The following RERE variants were observed in gnomAD, a reference collection of about 807,000 sequenced individuals.
RERE encodes arginine-glutamic acid dipeptide repeats protein.
In RERE, 40 loss-of-function variants were observed where a neutral mutation model predicts 146.1. That is an observed-to-expected ratio of 0.27 (90% CI 0.21 to 0.36). The LOEUF is 0.36. Among genes scored for constraint, RERE ranks in the 10% least tolerant of loss-of-function variants. The pLI is 1.00. For missense variants in RERE, 1,933 were observed against 2,138.7 expected (o/e 0.90, Z 1.90); for synonymous variants, 1,003 against 866.0 (o/e 1.16, Z -2.78).
At chr1:8,495,261 T>G in intron 9 of RERE, 99 bp from the exon 10 acceptor site, 1 of 852,292 alleles carries the variant, frequency 1.2e-6, no homozygotes, top group South Asian at 1.4e-5. Flanking sequence ...CCAGAACAAA[T>G]TCCATTACTA....
chr1:8,788,197 T>C (rs752067010), intron 1 of RERE, among the ~76,000 whole-genome samples: 1 of 152,110 alleles, frequency 6.6e-6, no homozygotes, highest in Non-Finnish European at 1.5e-5. Context: ...ATAAGCCAAG[T>C]GCCCAATAAT....
intron 11 of RERE, among the ~76,000 whole-genome samples, chr1:8,459,952 G>GTGGA (rs1359095844): frequency 2.0e-5 from 3 of 152,058 alleles, no homozygotes; most frequent in Non-Finnish European, 4.4e-5. Flanking sequence ...CCCCTATATT[G>GTGGA]TGGATGTAAA....
At chr1:8,655,012 C>T (rs1056648628) in intron 2 of RERE, among the ~76,000 whole-genome samples, 2 of 152,130 alleles carry the variant, frequency 1.3e-5, no homozygotes, top group African/African-American at 4.8e-5. Flanking sequence ...CACTTGTTTC[C>T]CTGATCTCAT....
At chr1:8,620,785 C>T (rs868762360) in intron 3 of RERE, among the ~76,000 whole-genome samples, 6 of 151,748 alleles carry the variant, frequency 4.0e-5, no homozygotes, top group Non-Finnish European at 7.4e-5. Context: ...GCCTCTTCTG[C>T]TTGCCTGAGC....
intron 2 of RERE, among the ~76,000 whole-genome samples, chr1:8,646,249 G>A (rs1647301022): frequency 3.3e-5 from 5 of 152,150 alleles, no homozygotes; most frequent in African/African-American, 1.2e-4. Context: ...GAACAGGTAA[G>A]GCCAGGCACA....
At chr1:8,462,572 C>T (rs1020144217) in intron 11 of RERE, among the ~76,000 whole-genome samples, 3 of 152,228 alleles carry the variant, frequency 2.0e-5, no homozygotes, top group Admixed American at 6.5e-5. Context: ...CCAGCCTGTC[C>T]GCTGCACAGC....
intron 4 of RERE, among the ~76,000 whole-genome samples, chr1:8,601,792 C>T (rs1646634544): frequency 6.6e-6 from 1 of 151,776 alleles, no homozygotes; most frequent in Admixed American, 6.6e-5. Flanking sequence ...CACACACAGA[C>T]ACACATCTTC....
chr1:8,710,703 G>A (rs1486347643), intron 1 of RERE, among the ~76,000 whole-genome samples: 1 of 152,120 alleles, frequency 6.6e-6, no homozygotes, highest in Non-Finnish European at 1.5e-5. Context: ...TTTTAGTAGA[G>A]ACGGGGTTTC....
rs183116418 is a variant in RERE, at chr1:8,363,840, C to T, written c.1740+216G>A. On this transcript the variant is annotated intron_variant, in intron 15 of 22. Transcript: ENST00000400908. ...CAGAAGCTAAGAGCTTGCTACAAAACCCAGAGCAGGATGCCACCCTGGGGC... is the reference window on the plus strand; with the variant it reads ...CAGAAGCTAAGAGCTTGCTACAAAATCCAGAGCAGGATGCCACCCTGGGGC... 2,475 of 587,456 alleles carry T rather than the reference C, an allele frequency of 4.2e-3. 17 individuals carry two copies. The highest frequency in any genetic ancestry group is 0.018 in the Middle Eastern group (39 of 2,188). 36.4% of individuals were successfully genotyped at this position (587,456 alleles called of 1,614,324 possible).
chr1:8,475,368 T>C (rs1020620449), intron 10 of RERE, among the ~76,000 whole-genome samples: 3 of 109,632 alleles, frequency 2.7e-5, no homozygotes, highest in African/African-American at 1.1e-4. Flanking sequence ...AGCGAGATTC[T>C]GTCTTAAAAA....
chr1:8,709,742 T>G (rs1639630479), intron 1 of RERE, among the ~76,000 whole-genome samples: 1 of 152,176 alleles, frequency 6.6e-6, no homozygotes, highest in African/African-American at 2.4e-5. Context: ...TTATTGAGTC[T>G]TTTTCACATT....
At chr1:8,623,026 C>G (rs1312069125) in intron 3 of RERE, among the ~76,000 whole-genome samples, 5 of 152,196 alleles carry the variant, frequency 3.3e-5, no homozygotes, top group Non-Finnish European at 7.3e-5. Context: ...CCTAAGAGCA[C>G]AGACAGTGGT....
chr1:8,621,560 G>T (rs1055052225), intron 3 of RERE, among the ~76,000 whole-genome samples: 1 of 151,930 alleles, frequency 6.6e-6, no homozygotes, highest in African/African-American at 2.4e-5. Flanking sequence ...CACGGCAAAG[G>T]GATTCTCATT....
chr1:8,646,273 G>A (rs975983588), intron 2 of RERE, among the ~76,000 whole-genome samples: 6 of 152,214 alleles, frequency 3.9e-5, no homozygotes, highest in Admixed American at 6.5e-5. Context: ...GCTCATGCCC[G>A]TAATCTCAAC....
intron 7 of RERE, among the ~76,000 whole-genome samples, chr1:8,536,084 G>A (rs886545959): frequency 7.0e-6 from 1 of 143,640 alleles, no homozygotes; most frequent in Non-Finnish European, 1.5e-5. Context: ...CCAGCCTGGC[G>A]ATAGAGCGAG....
intron 1 of RERE, among the ~76,000 whole-genome samples, chr1:8,810,045 GC>G (rs1182407680): frequency 2.0e-5 from 3 of 152,024 alleles, no homozygotes; most frequent in Non-Finnish European, 2.9e-5. Flanking sequence ...TTGCTCTGTC[GC>G]CCAGGCTGGA....
intron 6 of RERE, among the ~76,000 whole-genome samples, chr1:8,553,869 C>G (rs534022393): frequency 6.6e-6 from 1 of 152,256 alleles, no homozygotes; most frequent in East Asian, 1.9e-4. Context: ...ATAACTTGTT[C>G]TTCTAAAAAT....
intron 6 of RERE, among the ~76,000 whole-genome samples, chr1:8,547,094 A>AC (rs1645872911): frequency 6.6e-6 from 1 of 151,728 alleles, no homozygotes; most frequent in Non-Finnish European, 1.5e-5. Flanking sequence ...TTTTAAAAAA[A>AC]AAAAAACAAA....
intron 4 of RERE, among the ~76,000 whole-genome samples, chr1:8,574,505 C>G (rs565536462): frequency 3.3e-5 from 5 of 151,826 alleles, no homozygotes; most frequent in African/African-American, 4.8e-5. Flanking sequence ...CCACCACGCC[C>G]GGCTAATATA....
Sources: allele counts gnomAD v4.1 joint callset (sites outside exome capture counted in the v4.1 genomes callset), GRCh38; gene constraint gnomAD v4.1.1; transcripts MANE v1.5; gene names NCBI Gene and HGNC (gene_info 2026-07-23, HGNC 2026-07-21).